The following SLC22A3 variants were observed in gnomAD, a reference collection of about 807,000 sequenced individuals.
SLC22A3 encodes EMT organic cation transporter 3.
SLC22A3 carries 51 observed loss-of-function variants against 59.1 expected under a neutral mutation model. The ratio of observed to expected loss-of-function variants is 0.86; its 90% CI spans 0.69 to 1.09. The LOEUF is 1.09. SLC22A3 is among the 50% of genes least tolerant of loss of function. The pLI, the probability that SLC22A3 is intolerant of heterozygous loss-of-function variation, is 0.00. For synonymous variants in SLC22A3, 325 were observed against 292.0 expected (o/e 1.11, Z -1.15); for missense variants, 711 against 726.3 (o/e 0.98, Z 0.24).
At chr6:160,399,491 A>G (rs1377157338) in intron 2 of SLC22A3, among the ~76,000 whole-genome samples, 1 of 151,986 alleles carries the variant, frequency 6.6e-6, no homozygotes, top group Non-Finnish European at 1.5e-5. Context: ...TCCCCTTCCT[A>G]TATTCTCATA....
intron 7 of SLC22A3, among the ~76,000 whole-genome samples, chr6:160,438,725 G>A (rs1366434006): frequency 6.6e-6 from 1 of 152,112 alleles, no homozygotes; most frequent in Non-Finnish European, 1.5e-5. Context: ...TCCCAGGGCT[G>A]CTGTAATAAG....
At chr6:160,356,719 C>G (rs1784853610) in intron 1 of SLC22A3, among the ~76,000 whole-genome samples, 2 of 152,144 alleles carry the variant, frequency 1.3e-5, no homozygotes, top group Non-Finnish European at 2.9e-5. Context: ...AAATCATAAC[C>G]AAGAAAGGAC....
intron 1 of SLC22A3, among the ~76,000 whole-genome samples, chr6:160,374,534 G>T (rs747550129): frequency 2.0e-5 from 3 of 152,224 alleles, no homozygotes; most frequent in Non-Finnish European, 2.9e-5. Flanking sequence ...GGCTTCATAT[G>T]CTCATGCCTC....
Position 160,451,945 on chromosome 6 carries a change from C to T in SLC22A3, c.*889C>T, listed in dbSNP as rs1788982866. On this transcript the variant is annotated 3_prime_UTR_variant, in exon 11 of 11. Coordinates refer to ENST00000275300, the MANE Select transcript of SLC22A3 (RefSeq NM_021977.4). ...TTTGTGAGTTCAGTTCCGATGGTGCCCGTGGTCAAAAGCGAAAAACATGGA... is the reference window on the plus strand; with the variant it reads ...TTTGTGAGTTCAGTTCCGATGGTGCTCGTGGTCAAAAGCGAAAAACATGGA... 2.6e-5 allele frequency: 4 copies of T among 152,018 alleles called. No individual in the cohort carries two copies. Among genetic ancestry groups the T allele is most frequent in the Non-Finnish European group, 1.5e-5 (1 of 68,010 alleles). 9.4% of individuals were successfully genotyped at this position (152,018 alleles called of 1,614,324 possible).
intron 5 of SLC22A3, among the ~76,000 whole-genome samples, chr6:160,414,999 T>C (rs1787420548): frequency 6.6e-6 from 1 of 152,196 alleles, no homozygotes. Flanking sequence ...ACGATGAGAT[T>C]TTCCAGTCTC....
intron 4 of SLC22A3, among the ~76,000 whole-genome samples, chr6:160,410,431 T>C (rs1438976856): frequency 6.6e-6 from 1 of 152,236 alleles, no homozygotes; most frequent in Non-Finnish European, 1.5e-5. Flanking sequence ...TAATATTTAC[T>C]AAATCCCAAT....
At chr6:160,362,666 G>T (rs1200088326) in intron 1 of SLC22A3, among the ~76,000 whole-genome samples, 1 of 152,226 alleles carries the variant, frequency 6.6e-6, no homozygotes, top group Admixed American at 6.5e-5. Context: ...GGTCCCCAGC[G>T]GGTGGGGGCG....
At position 160,452,048 on chromosome 6, in the gene SLC22A3, T is replaced by C. The variant is rs755687049; in HGVS notation, c.*992T>C. 3.3e-5 allele frequency: 5 copies of C among 152,246 alleles called. No homozygotes were observed. Among genetic ancestry groups the C allele is most frequent in the Non-Finnish European group, 7.3e-5 (5 of 68,046 alleles). The allele number at this position is 152,246 out of a possible 1,614,324, so 9.4% of individuals were successfully genotyped here. On this transcript the variant is annotated 3_prime_UTR_variant, in exon 11 of 11. Transcript: ENST00000275300. ...TTTAATTTAAAAGAAAGATCAATTA[T>C]ATCCATGCTTAACAGGATCAGCAGG...
chr6:160,387,539 T>C (rs978629157), intron 1 of SLC22A3, among the ~76,000 whole-genome samples: 9 of 152,168 alleles, frequency 5.9e-5, no homozygotes, highest in Non-Finnish European at 1.3e-4. Context: ...AAAATGTCAA[T>C]GTATTGGAAT....
chr6:160,372,946 C>T (rs1435402639), intron 1 of SLC22A3, among the ~76,000 whole-genome samples: 1 of 152,106 alleles, frequency 6.6e-6, no homozygotes, highest in Non-Finnish European at 1.5e-5. Flanking sequence ...TTAGAACATG[C>T]TCCTTTAGCT....
At chr6:160,401,119 A>T (rs1214318107) in intron 2 of SLC22A3, among the ~76,000 whole-genome samples, 1 of 151,998 alleles carries the variant, frequency 6.6e-6, no homozygotes, top group Non-Finnish European at 1.5e-5. Flanking sequence ...AGGAGAATAA[A>T]GAGAGCGAGA....
intron 1 of SLC22A3, among the ~76,000 whole-genome samples, chr6:160,397,565 C>G (rs952636908): frequency 6.6e-6 from 1 of 151,962 alleles, no homozygotes; most frequent in East Asian, 1.9e-4. Flanking sequence ...GAAACCCCAT[C>G]TCTACTAAAA....
intron 1 of SLC22A3, among the ~76,000 whole-genome samples, chr6:160,374,436 G>A (rs1431239213): frequency 6.6e-6 from 1 of 152,166 alleles, no homozygotes; most frequent in Non-Finnish European, 1.5e-5. Context: ...CTGCAGACCA[G>A]AGCTGTTCCT....
At chr6:160,377,107 T>C (rs1035626207) in intron 1 of SLC22A3, among the ~76,000 whole-genome samples, 5 of 152,136 alleles carry the variant, frequency 3.3e-5, no homozygotes, top group Non-Finnish European at 7.4e-5. Flanking sequence ...AAACAAGATC[T>C]TTCCATGGGC....
intron 5 of SLC22A3, among the ~76,000 whole-genome samples, chr6:160,434,663 A>G (rs1040709180): frequency 2.6e-5 from 4 of 152,226 alleles, no homozygotes; most frequent in Non-Finnish European, 5.9e-5. Flanking sequence ...TATATTTGTA[A>G]TCTATGGAGT....
intron 1 of SLC22A3, among the ~76,000 whole-genome samples, chr6:160,385,514 G>T (rs1413516332): frequency 6.6e-6 from 1 of 152,188 alleles, no homozygotes; most frequent in Non-Finnish European, 1.5e-5. Flanking sequence ...CCCTTCAGGT[G>T]CTCAGCCCCT....
chr6:160,446,341 A>T (rs192093087), intron 9 of SLC22A3, among the ~76,000 whole-genome samples: 106 of 152,290 alleles, frequency 7.0e-4, no homozygotes, highest in South Asian at 4.6e-3. Context: ...CTACCATATT[A>T]GTTCGTTTGC....
chr6:160,410,550 T>C (rs546156388), intron 4 of SLC22A3, among the ~76,000 whole-genome samples, 179 bp from the exon 5 acceptor site: 13 of 152,312 alleles, frequency 8.5e-5, no homozygotes, highest in African/African-American at 1.4e-4. Flanking sequence ...CTAGCATTTT[T>C]CCCCATCCAT....
chr6:160,436,033 C>A (rs1175960227), intron 5 of SLC22A3, among the ~76,000 whole-genome samples: 1 of 152,086 alleles, frequency 6.6e-6, no homozygotes, highest in Non-Finnish European at 1.5e-5. Context: ...AAAGGCTTCC[C>A]AGGGGAGGTA....
Sources: gnomAD v4.1 joint callset for allele counts (sites outside exome capture counted in the v4.1 genomes callset) on GRCh38, gnomAD v4.1.1 for gene constraint, MANE v1.5 for transcripts, NCBI Gene and HGNC (gene_info 2026-07-23, HGNC 2026-07-21) for gene names.